ELMO1: variants seen among roughly 807,000 people sequenced by gnomAD.
ELMO1 encodes engulfment and cell motility 1.
A neutral mutation model predicts 98.9 loss-of-function variants in ELMO1; 26 were observed. That is an observed-to-expected ratio of 0.26 (90% confidence interval 0.19 to 0.36). The LOEUF (loss-of-function observed/expected upper bound fraction) is 0.36, where lower values mean the gene tolerates loss of function less well. Ranked by LOEUF, ELMO1 falls within the 10% of genes least tolerant of loss-of-function variation. The pLI, the probability that ELMO1 is intolerant of heterozygous loss-of-function variation, is 1.00. For synonymous variants in ELMO1, 346 were observed against 346.0 expected, an observed-to-expected ratio of 1.00 and a Z score of 0.00; for missense variants, 627 against 935.2, an observed-to-expected ratio of 0.67 and a Z score of 4.30.
chr7:37,087,402 A>C (rs890646553), intron 15 of ELMO1, among the ~76,000 whole-genome samples: 1 of 151,972 alleles, frequency 6.6e-6, no homozygotes, highest in Non-Finnish European at 1.5e-5. Flanking sequence ...TGGTATCTTT[A>C]TTTTAAGAAT....
intron 4 of ELMO1, among the ~76,000 whole-genome samples, chr7:37,297,224 G>A (rs1398241849): frequency 3.9e-5 from 6 of 152,138 alleles, no homozygotes; most frequent in Admixed American, 1.3e-4. Flanking sequence ...TTTTATTCAT[G>A]TTTAAATCAT....
At chr7:37,072,848 A>G (rs1226273347) in intron 15 of ELMO1, among the ~76,000 whole-genome samples, 1 of 152,246 alleles carries the variant, frequency 6.6e-6, no homozygotes, top group African/African-American at 2.4e-5. Flanking sequence ...TACATATGTC[A>G]AAAAATGTTT....
chr7:37,184,399 C>T (rs539960229), intron 13 of ELMO1, among the ~76,000 whole-genome samples: 4 of 152,214 alleles, frequency 2.6e-5, no homozygotes, highest in African/African-American at 7.2e-5. Context: ...TTTAGGGGCA[C>T]CCTCTCTGGC....
chr7:36,888,745 T>C (rs1202700717), intron 17 of ELMO1, among the ~76,000 whole-genome samples: 3 of 152,246 alleles, frequency 2.0e-5, no homozygotes, highest in South Asian at 2.1e-4. Flanking sequence ...TAGGCCCATA[T>C]TACCCTGTAG....
At chr7:36,902,062 C>T (rs150142024) in intron 16 of ELMO1, among the ~76,000 whole-genome samples, 284 of 152,322 alleles carry the variant, frequency 1.9e-3, no homozygotes, top group African/African-American at 6.5e-3. Flanking sequence ...CCACTGCAGT[C>T]CCCTGGTGAA....
At chr7:36,976,448 C>A (rs1459651838) in intron 16 of ELMO1, among the ~76,000 whole-genome samples, 1 of 152,170 alleles carries the variant, frequency 6.6e-6, no homozygotes, top group Non-Finnish European at 1.5e-5. Context: ...AGCTTAACAG[C>A]ATAATTATTA....
chr7:36,951,316 T>C (rs1787946880), intron 16 of ELMO1, among the ~76,000 whole-genome samples: 1 of 152,214 alleles, frequency 6.6e-6, no homozygotes, highest in South Asian at 2.1e-4. Flanking sequence ...CAAGAGCCTA[T>C]CTGATTTAAT....
chr7:37,131,334 T>G (rs1786907571), intron 14 of ELMO1, among the ~76,000 whole-genome samples: 2 of 152,198 alleles, frequency 1.3e-5, no homozygotes, highest in Non-Finnish European at 2.9e-5. Flanking sequence ...CAAATAGGTT[T>G]TTTCTTTTAA....
intron 13 of ELMO1, among the ~76,000 whole-genome samples, chr7:37,144,048 C>CGAGGGGGTGG (rs1787826742): frequency 6.6e-6 from 1 of 152,098 alleles, no homozygotes; most frequent in Non-Finnish European, 1.5e-5. Flanking sequence ...TCCACCCCCT[C>CGAGGGGGTGG]AGACATTATA....
intron 16 of ELMO1, among the ~76,000 whole-genome samples, chr7:36,987,177 T>C (rs1478821802): frequency 1.3e-5 from 2 of 152,166 alleles, no homozygotes; most frequent in Non-Finnish European, 2.9e-5. Context: ...GGGATCTCCC[T>C]GGATTTCCTC....
intron 15 of ELMO1, among the ~76,000 whole-genome samples, chr7:37,021,935 C>A (rs1357638404): frequency 1.3e-5 from 2 of 151,922 alleles, no homozygotes; most frequent in Non-Finnish European, 2.9e-5. Flanking sequence ...AAAAACAGAA[C>A]AATAGAACAG....
At chr7:37,410,388 G>T (rs1020490537) in intron 1 of ELMO1, among the ~76,000 whole-genome samples, 7 of 152,146 alleles carry the variant, frequency 4.6e-5, no homozygotes, top group Non-Finnish European at 8.8e-5. Flanking sequence ...CACAGCAAGG[G>T]TTCAGTAAAT....
intron 16 of ELMO1, chr7:37,002,171 T>C (rs1364863736): frequency 1.3e-5 from 2 of 152,198 alleles, no homozygotes; most frequent in African/African-American, 4.8e-5. Context: ...GAAGGAGCAG[T>C]GGCTACCAAG....
At chr7:36,915,236 A>G (rs1011842187) in intron 16 of ELMO1, among the ~76,000 whole-genome samples, 11 of 152,212 alleles carry the variant, frequency 7.2e-5, no homozygotes, top group Admixed American at 7.2e-4. Flanking sequence ...TGGTGCTAAC[A>G]AAGTGGTTTC....
At chr7:37,105,173 G>A (rs909199179) in intron 14 of ELMO1, among the ~76,000 whole-genome samples, 21 of 152,322 alleles carry the variant, frequency 1.4e-4, no homozygotes, top group South Asian at 4.2e-4. Context: ...TCAAAGCCAC[G>A]TTTTGCCGAA....
intron 13 of ELMO1, among the ~76,000 whole-genome samples, chr7:37,139,207 G>C: frequency 6.6e-6 from 1 of 152,098 alleles, no homozygotes; most frequent in African/African-American, 2.4e-5. Flanking sequence ...CATAGTACTG[G>C]AAGTCCTAGC....
chr7:37,032,304 T>C (rs1443151737), intron 15 of ELMO1, among the ~76,000 whole-genome samples: 1 of 152,170 alleles, frequency 6.6e-6, no homozygotes, highest in African/African-American at 2.4e-5. Context: ...AGCCTGAGAA[T>C]TGGCACTACT....
intron 16 of ELMO1, among the ~76,000 whole-genome samples, chr7:36,906,059 G>A (rs938324834): frequency 2.1e-4 from 32 of 152,212 alleles, no homozygotes; most frequent in African/African-American, 6.5e-4. Context: ...CAAGACCACA[G>A]GGGAAATGAG....
At chr7:37,216,922 C>G (rs548839876) in intron 10 of ELMO1, among the ~76,000 whole-genome samples, 1 of 152,162 alleles carries the variant, frequency 6.6e-6, no homozygotes, top group Non-Finnish European at 1.5e-5. Flanking sequence ...CTGGCACCTG[C>G]AAACTTCTTT....
Sources: allele counts gnomAD v4.1 joint callset (sites outside exome capture counted in the v4.1 genomes callset), GRCh38; gene constraint gnomAD v4.1.1; transcripts MANE v1.5; gene names NCBI Gene and HGNC (gene_info 2026-07-23, HGNC 2026-07-21).